Variants in CTNNA3 observed in about 807,000 individuals in gnomAD.
CTNNA3 encodes the protein catenin alpha-3.
CTNNA3 carries 76 observed loss-of-function variants against 95.7 expected under a neutral mutation model. The observed-to-expected ratio is 0.79, with a 90% CI of 0.66 to 0.96. CTNNA3 has a LOEUF of 0.96. Among genes scored for constraint, CTNNA3 ranks in the 40% least tolerant of loss-of-function variants. CTNNA3 has a pLI of 0.00. For synonymous variants in CTNNA3, 431 were observed against 374.4 expected, an observed-to-expected ratio of 1.15 and a Z score of -1.74; for missense variants, 1,191 against 1,089.8, an observed-to-expected ratio of 1.09 and a Z score of -1.31.
rs539277925 is a variant in CTNNA3, at chr10:67,047,120, A to G, written c.1047+133197T>C. ...AGGACAATGAAGACAGTACTCAGAC[A>G]GTACACTTATCTTCTCCCATCCCAA... On this transcript the variant is annotated intron_variant, in intron 7 of 17. Transcript: ENST00000433211. 2.6e-5 allele frequency among the ~76,000 whole-genome samples: 4 copies of G among 152,324 alleles called. No individual in the cohort carries two copies. The South Asian group carries it at 8.3e-4, about 32-fold the overall frequency.
chr10:65,978,990 G>A (rs1052756384), intron 16 of CTNNA3, among the ~76,000 whole-genome samples: 4 of 152,048 alleles, frequency 2.6e-5, no homozygotes, highest in African/African-American at 9.7e-5. Flanking sequence ...GTCTCATATG[G>A]TATGTTCAAG....
chr10:67,566,514 G>A, intron 3 of CTNNA3, among the ~76,000 whole-genome samples: 1 of 152,016 alleles, frequency 6.6e-6, no homozygotes, highest in East Asian at 1.9e-4. Context: ...TAAAAAGTCA[G>A]GAAACAACAG....
At chr10:67,516,077 C>T (rs1267300483) in intron 5 of CTNNA3, among the ~76,000 whole-genome samples, 3 of 152,166 alleles carry the variant, frequency 2.0e-5, no homozygotes, top group Non-Finnish European at 4.4e-5. Context: ...ATTCTCCTGC[C>T]TCAGCCTCCC....
At chr10:66,360,816 CCTTT>C (rs758092288) in intron 12 of CTNNA3, among the ~76,000 whole-genome samples, 582 of 50,232 alleles carry the variant, frequency 0.012, 24 homozygotes, top group African/African-American at 0.04. Context: ...TTCCTTCCTT[CCTTT>C]CTTTCTTTCT....
chr10:66,926,980 G>A, intron 7 of CTNNA3: 1 of 1,614,092 alleles, frequency 6.2e-7, no homozygotes, highest in South Asian at 1.1e-5. Context: ...AGCCCCCACT[G>A]TCTTACTGAC....
intron 7 of CTNNA3, among the ~76,000 whole-genome samples, chr10:66,944,781 ATGCTT>A (rs1848196850): frequency 6.6e-6 from 1 of 152,188 alleles, no homozygotes; most frequent in Non-Finnish European, 1.5e-5. Flanking sequence ...TGCAGAATGG[ATGCTT>A]TGTTAGCAGG....
chr10:67,250,373 G>A (rs1054656501), intron 5 of CTNNA3, among the ~76,000 whole-genome samples: 2 of 152,176 alleles, frequency 1.3e-5, no homozygotes, highest in South Asian at 2.1e-4. Context: ...CTGCCACCAC[G>A]TCTGGCTAAT....
chr10:67,730,974 A>G (rs1050152390), intron 1 of CTNNA3, among the ~76,000 whole-genome samples: 1 of 152,180 alleles, frequency 6.6e-6, no homozygotes, highest in African/African-American at 2.4e-5. Flanking sequence ...ATTTAACCAA[A>G]TATTATCACA....
chr10:65,926,606 A>G (rs1226926769), intron 17 of CTNNA3, among the ~76,000 whole-genome samples: 2 of 151,706 alleles, frequency 1.3e-5, no homozygotes, highest in Non-Finnish European at 2.9e-5. Context: ...CCTACCAAGT[A>G]GCTGGGATTA....
At chr10:67,159,485 A>G (rs533273631) in intron 7 of CTNNA3, among the ~76,000 whole-genome samples, 60 of 152,348 alleles carry the variant, frequency 3.9e-4, no homozygotes, top group African/African-American at 1.4e-3. Flanking sequence ...ATACAGACCA[A>G]TGGAACAGAA....
intron 9 of CTNNA3, among the ~76,000 whole-genome samples, chr10:66,687,714 T>TAC (rs1439389049): frequency 0.042 from 5,349 of 128,340 alleles, 211 homozygotes; most frequent in East Asian, 0.21. Context: ...TATATATATA[T>TAC]ATATACACAC....
At chr10:67,524,631 G>C (rs1467161276) in intron 4 of CTNNA3, among the ~76,000 whole-genome samples, 3 of 152,012 alleles carry the variant, frequency 2.0e-5, no homozygotes, top group African/African-American at 7.2e-5. Flanking sequence ...TCAAAATACT[G>C]TAAAACCATG....
chr10:66,294,042 T>C (rs942325957), intron 12 of CTNNA3, among the ~76,000 whole-genome samples: 1 of 152,176 alleles, frequency 6.6e-6, no homozygotes, highest in African/African-American at 2.4e-5. Flanking sequence ...TCTAGGAGAT[T>C]AGACTGGCCT....
chr10:66,689,315 T>G (rs1277646209), intron 9 of CTNNA3, among the ~76,000 whole-genome samples: 1 of 152,198 alleles, frequency 6.6e-6, no homozygotes, highest in Admixed American at 6.5e-5. Context: ...GCCTAGGTCC[T>G]TTTAATGAGT....
intron 1 of CTNNA3, among the ~76,000 whole-genome samples, chr10:67,732,120 CTT>C (rs1042250921): frequency 2.6e-5 from 4 of 151,196 alleles, no homozygotes; most frequent in Non-Finnish European, 4.4e-5. Flanking sequence ...AATAATAAGA[CTT>C]GTTATCAATT....
chr10:65,933,879 C>T (rs953770201), intron 17 of CTNNA3, among the ~76,000 whole-genome samples: 6 of 152,116 alleles, frequency 3.9e-5, no homozygotes, highest in African/African-American at 1.4e-4. Flanking sequence ...TCATGTGACC[C>T]AGTCCCGACC....
intron 3 of CTNNA3, among the ~76,000 whole-genome samples, chr10:67,568,754 T>A (rs1332146006): frequency 3.3e-5 from 5 of 152,122 alleles, no homozygotes; most frequent in Non-Finnish European, 7.4e-5. Context: ...CAGCTCCATC[T>A]ACTTGTTCAA....
chr10:66,310,073 G>T (rs2091996614), intron 12 of CTNNA3, among the ~76,000 whole-genome samples: 1 of 151,248 alleles, frequency 6.6e-6, no homozygotes, highest in Non-Finnish European at 1.5e-5. Context: ...AGCTGAGATT[G>T]CACCACTGCA....
intron 13 of CTNNA3, among the ~76,000 whole-genome samples, chr10:66,210,066 A>G (rs1169496744): frequency 6.6e-6 from 1 of 152,116 alleles, no homozygotes; most frequent in Non-Finnish European, 1.5e-5. Flanking sequence ...TGATAAGAAA[A>G]TGCATCGAAC....
Sources: allele counts gnomAD v4.1 joint callset (sites outside exome capture counted in the v4.1 genomes callset), GRCh38; gene constraint gnomAD v4.1.1; transcripts MANE v1.5; gene names NCBI Gene and HGNC (gene_info 2026-07-23, HGNC 2026-07-21).